The following CCDC121 variants were observed in gnomAD, a reference collection of about 807,000 sequenced individuals.
The protein encoded by CCDC121 is coiled-coil domain containing 121.
For synonymous variants in CCDC121, 108 were observed against 120.0 expected (o/e 0.90, Z 0.65); for missense variants, 238 against 304.1 (o/e 0.78, Z 1.62).
At position 27,626,860 on chromosome 2, in the gene CCDC121, T is replaced by A. The variant is rs1673293217; in HGVS notation, c.*103A>T. On this transcript the variant is annotated 3_prime_UTR_variant, in exon 2 of 2. Coordinates refer to ENST00000324364, the MANE Select transcript of CCDC121 (RefSeq NM_024584.5). ...TCACTCCAACACATCATGATGGAGA[T>A]TTTACAATAGCAATCTGGAATCCAA... 6 of 829,974 alleles carry A rather than the reference T, an allele frequency of 7.2e-6. No homozygotes were observed. Among genetic ancestry groups the A allele is most frequent in the Non-Finnish European group, 9.7e-6 (5 of 517,472 alleles). The allele number at this position is 829,974 out of a possible 1,614,324, so 51.4% of individuals were successfully genotyped here. A position where few individuals can be genotyped will look rare whatever the true frequency, so the allele number is the denominator to read the frequency against.
intron 1 of CCDC121, chr2:27,628,517 G>C (rs1558483521): frequency 1.9e-6 from 3 of 1,551,490 alleles, no homozygotes; most frequent in Admixed American, 2.0e-5. Flanking sequence ...CAATGTGCAA[G>C]TGTGGAAAGC....
chr2:27,628,983 C>T lies in CCDC121; in HGVS notation c.-152G>A. 6.3e-7 allele frequency: 1 copy of T among 1,588,492 alleles called. No individual in the cohort carries two copies. The highest frequency in any genetic ancestry group is 8.6e-7 in the Non-Finnish European group (1 of 1,167,022). On this transcript the variant is annotated 5_prime_UTR_variant, in exon 1 of 2. Transcript: ENST00000324364. ...TTCTGACGCTGTGGTGGTTTTCGTT[C>T]GCAGCCCAGAACATTGCGGAAGTTT...
rs1447710737 is a variant in CCDC121, at chr2:27,627,396, G to A, written c.404C>T (p.Thr135Ile). The A allele has an allele frequency of 6.2e-6, 10 of 1,614,176 alleles. No individual in the cohort carries two copies. ...QEETKKVQAE[T>I]ASKTREVQAQ... ...CTGTACTTCCCGTGTCTTTGAAGCT[G>A]TCTCAGCTTGGACTTTCTTTGTCTC... is the stretch of plus-strand genomic sequence containing the variant. Residue 135 changes from threonine (T) to isoleucine (I), a missense_variant, in exon 2 of 2, where the codon ACA (threonine) becomes ATA (isoleucine). Transcript: ENST00000324364.
rs1286700716 is a variant in CCDC121 at position 27,625,730 on chromosome 2, G to T, written c.*1233C>A. 2 of 152,192 alleles carry T rather than the reference G, an allele frequency of 1.3e-5. No individual in the cohort carries two copies. Among genetic ancestry groups the T allele is most frequent in the African/African-American group, 4.8e-5 (2 of 41,428 alleles). The allele number at this position is 152,192 out of a possible 1,614,324, so 9.4% of individuals were successfully genotyped here. On this transcript the variant is annotated 3_prime_UTR_variant, in exon 2 of 2. Transcript: ENST00000324364. ...AAGTTGTTAAAGCTACAAGGTAAAGGCACATTGAAGGAGAATGCTTTTTAA... is the reference window on the plus strand; with the variant it reads ...AAGTTGTTAAAGCTACAAGGTAAAGTCACATTGAAGGAGAATGCTTTTTAA...
At chr2:27,628,248 C>G (rs772690782) in intron 1 of CCDC121, 11 of 791,856 alleles carry the variant, frequency 1.4e-5, no homozygotes, top group Non-Finnish European at 2.0e-5. Context: ...TTACTGAACA[C>G]TGTTTGCAGC....
rs1244819582 is a variant in CCDC121 at position 27,625,977 on chromosome 2, T to A, written c.*986A>T. On this transcript the variant is annotated 3_prime_UTR_variant, in exon 2 of 2. Coordinates refer to ENST00000324364, the MANE Select transcript of CCDC121 (RefSeq NM_024584.5). The stretch of plus-strand genomic sequence containing the variant: ...TCAATGTCGTAGAACCCAAAAAAAA[T>A]ATAACTATCCTAAAAATATATAATT... 5 of 147,798 alleles carry A rather than the reference T, an allele frequency of 3.4e-5. No homozygotes were observed. The highest frequency in any genetic ancestry group is 6.0e-5 in the Non-Finnish European group (4 of 66,254). The allele number at this position is 147,798 out of a possible 1,614,324, so 9.2% of individuals were successfully genotyped here.
chr2:27,627,526 G>C lies in CCDC121; in HGVS notation c.274C>G (p.Gln92Glu), dbSNP rs752946254. 3 of 1,614,100 alleles carry C rather than the reference G, an allele frequency of 1.9e-6. No homozygotes were observed. Among genetic ancestry groups the C allele is most frequent in the South Asian group, 1.1e-5 (1 of 91,076 alleles). The part of the protein sequence containing the change: ...QISVLKTALL[Q>E]KENIQSSLKR... ...AAACTGGATTGGATATTTTCCTTTT[G>C]CAAGAGCGCTGTTTTAAGCACTGAA... Residue 92 changes from glutamine to glutamate, a missense_variant, in exon 2 of 2, where the codon CAA (glutamine) becomes GAA (glutamate). Coordinates refer to ENST00000324364, the MANE Select transcript of CCDC121 (RefSeq NM_024584.5).
rs1424364304 is a variant in CCDC121, at chr2:27,625,852, C to G, written c.*1111G>C. The G allele has an allele frequency of 1.3e-5, 2 of 152,210 alleles. No individual in the cohort carries two copies. The highest frequency in any genetic ancestry group is 4.8e-5 in the African/African-American group (2 of 41,428). The allele number at this position is 152,210 out of a possible 1,614,324, so 9.4% of individuals were successfully genotyped here. A position where few individuals can be genotyped will look rare whatever the true frequency, so the allele number is the denominator to read the frequency against. ...TCATCACTTAACAATTTCTGGGAAA[C>G]AAAGTTCATCCTATTTTCCCATAGA... On this transcript the variant is annotated 3_prime_UTR_variant, in exon 2 of 2. Coordinates refer to ENST00000324364, the MANE Select transcript of CCDC121 (RefSeq NM_024584.5).
rs1220790511 is a variant in CCDC121, at chr2:27,626,389, G to A, written c.*574C>T. 6.6e-6 allele frequency: 1 copy of A among 152,306 alleles called. No homozygotes were observed. The highest frequency in any genetic ancestry group is 2.4e-5 in the African/African-American group (1 of 41,420). 9.4% of individuals were successfully genotyped at this position (152,306 alleles called of 1,614,324 possible). A position where few individuals can be genotyped will look rare whatever the true frequency, so the allele number is the denominator to read the frequency against. On this transcript the variant is annotated 3_prime_UTR_variant, in exon 2 of 2. Transcript: ENST00000324364. ...TGTAGGGGCTTAGCATCAGATGAAAGGTCACTCTGCCTAGCACTTACTGGA... is the reference window on the plus strand; with the variant it reads ...TGTAGGGGCTTAGCATCAGATGAAAAGTCACTCTGCCTAGCACTTACTGGA...
At chr2:27,628,623 G>A in intron 1 of CCDC121, 1 of 1,551,470 alleles carries the variant, frequency 6.4e-7, no homozygotes, top group Non-Finnish European at 8.7e-7. Context: ...GTCCAGCCCT[G>A]AACTGTTTAA....
At position 27,626,960 on chromosome 2, in the gene CCDC121, A is replaced by G; in HGVS notation, c.*3T>C. 1 of 1,584,692 alleles carries G rather than the reference A, an allele frequency of 6.3e-7. No homozygotes were observed. The highest frequency in any genetic ancestry group is 1.1e-5 in the South Asian group (1 of 88,362). ...TCTTATTTAATCAGTGTTATTTTAG[A>G]AGTTACTTTGGATTAATCCTTGATT... On this transcript the variant is annotated 3_prime_UTR_variant, in exon 2 of 2. Coordinates refer to ENST00000324364, the MANE Select transcript of CCDC121 (RefSeq NM_024584.5).
At position 27,627,261 on chromosome 2, in the gene CCDC121, A is replaced by G. The variant is rs941989788; in HGVS notation, c.539T>C (p.Leu180Ser). 2.5e-6 allele frequency: 4 copies of G among 1,613,828 alleles called. No homozygotes were observed. Among genetic ancestry groups the G allele is most frequent in the Middle Eastern group, 1.6e-4 (1 of 6,070 alleles). ...AATAAACCGCTTTGCTGCCAACTTCAAGGCCTGGGCCTTCATATTAAGCTC... is the reference window on the plus strand; with the variant it reads ...AATAAACCGCTTTGCTGCCAACTTCGAGGCCTGGGCCTTCATATTAAGCTC... ...RRELNMKAQA[L>S]KLAAKRFIFE... is the part of the protein sequence containing the mutation. Residue 180 changes from leucine (L) to serine (S), a missense_variant, in exon 2 of 2, where the codon TTG becomes TCG. Physicochemically the swap from Leu to Ser is moderately radical, Grantham distance 145. Coordinates refer to ENST00000324364, the MANE Select transcript of CCDC121 (RefSeq NM_024584.5).
intron 1 of CCDC121, chr2:27,628,648 G>T: frequency 6.4e-7 from 1 of 1,551,514 alleles, no homozygotes; most frequent in Non-Finnish European, 8.7e-7. Context: ...CTCGGCTACC[G>T]AATAAGCCCG....
rs1268700089 is a variant in CCDC121 at position 27,626,617 on chromosome 2, A to G, written c.*346T>C. The G allele has an allele frequency of 5.3e-6, 1 of 188,252 alleles. No individual in the cohort carries two copies. Among genetic ancestry groups the G allele is most frequent in the Non-Finnish European group, 1.1e-5 (1 of 91,864 alleles). The allele number at this position is 188,252 out of a possible 1,614,324, so 11.7% of individuals were successfully genotyped here. On this transcript the variant is annotated 3_prime_UTR_variant, in exon 2 of 2. Coordinates refer to ENST00000324364, the MANE Select transcript of CCDC121 (RefSeq NM_024584.5). ...GGTACTTTCTCTATAAAGAAATACAATTTAGCTAGATGAAATAAATCACAA... is the reference window on the plus strand; with the variant it reads ...GGTACTTTCTCTATAAAGAAATACAGTTTAGCTAGATGAAATAAATCACAA...
At chr2:27,628,011 G>A in intron 1 of CCDC121, 94 bp from the exon 2 acceptor site, 1 of 874,992 alleles carries the variant, frequency 1.1e-6, no homozygotes, top group Non-Finnish European at 1.8e-6. Flanking sequence ...GAATATTTCT[G>A]AGCACCAGAA....
chr2:27,627,060 A>G lies in CCDC121; in HGVS notation c.740T>C (p.Leu247Pro), dbSNP rs143777050. 2.3e-3 allele frequency: 3,636 copies of G among 1,614,106 alleles called. 5 individuals are homozygous for G. Among genetic ancestry groups the G allele is most frequent in the Non-Finnish European group, 2.7e-3 (3,158 of 1,180,004 alleles). Residue 247 changes from leucine (L) to proline (P), a missense_variant, in exon 2 of 2, where the codon CTG (leucine) becomes CCG (proline). Physicochemically the swap from Leu to Pro is moderately conservative, Grantham distance 98. Coordinates refer to ENST00000324364, the MANE Select transcript of CCDC121 (RefSeq NM_024584.5). ...LESLIQARQR[L>P]QGSHNQCLNR... is the part of the protein sequence containing the mutation. Reference sequence around the variant, plus strand: ...TAGGCACTGATTATGACTTCCTTGCAGTCTCTGCCTCGCCTGGATTAAGGA... The same window carrying G: ...TAGGCACTGATTATGACTTCCTTGCGGTCTCTGCCTCGCCTGGATTAAGGA...
In CCDC121 at chr2:27,627,372, T is replaced by A. The variant is rs751715549; in HGVS notation, c.428A>T (p.Gln143Leu). 2 of 1,614,166 alleles carry A rather than the reference T, an allele frequency of 1.2e-6. No individual in the cohort carries two copies. Among genetic ancestry groups the A allele is most frequent in the South Asian group, 2.2e-5 (2 of 91,084 alleles). The change falls in exon 2 of 2, where the codon CAG (glutamine) becomes CTG (leucine). Residue 143 changes from glutamine (Q) to leucine (L), a missense_variant. By Grantham distance (113) the Gln-to-Leu change is moderately radical. Transcript: ENST00000324364. ...AETASKTREVQAQLLQEKRLL... is the reference protein window; with the variant it reads ...AETASKTREVLAQLLQEKRLL... Reference sequence around the variant, plus strand: ...TCTTTTCTCCTGGAGGAGCTGGGCCTGTACTTCCCGTGTCTTTGAAGCTGT... The same window carrying A: ...TCTTTTCTCCTGGAGGAGCTGGGCCAGTACTTCCCGTGTCTTTGAAGCTGT...
intron 1 of CCDC121, chr2:27,628,357 C>T (rs1673369127): frequency 6.6e-7 from 1 of 1,521,684 alleles, no homozygotes; most frequent in South Asian, 1.2e-5. Context: ...CCTTCAGTGA[C>T]TGGAGGGGAG....
chr2:27,627,757 G>A lies in CCDC121; in HGVS notation c.43C>T (p.Arg15Trp). 1 of 1,613,738 alleles carries A rather than the reference G, an allele frequency of 6.2e-7. No homozygotes were observed. Among genetic ancestry groups the A allele is most frequent in the Non-Finnish European group, 8.5e-7 (1 of 1,179,992 alleles). The change falls in exon 2 of 2, where the codon CGG (arginine) becomes TGG (tryptophan). Residue 15 changes from arginine (R) to tryptophan (W), a missense_variant. Physicochemically the swap from Arg to Trp is moderately radical, Grantham distance 101. Coordinates refer to ENST00000324364, the MANE Select transcript of CCDC121 (RefSeq NM_024584.5). ...CTGGATTCCTCCAGTAGCTGTTTCC[G>A]CTGGGTTTGAGCTTGTTTTATATGC... ...NKHIKQAQTQRKQLLEESREL... is the reference protein window; with the variant it reads ...NKHIKQAQTQWKQLLEESREL...
Sources: allele counts gnomAD v4.1 joint callset, GRCh38; gene constraint gnomAD v4.1.1; transcripts MANE v1.5; gene names NCBI Gene and HGNC (gene_info 2026-07-23, HGNC 2026-07-21).